The following TGM5 variants were observed in gnomAD, a reference collection of about 807,000 sequenced individuals.
TGM5 encodes transglutaminase 5.
TGM5 carries 69 observed loss-of-function variants against 77.2 expected under a neutral mutation model. The ratio of observed to expected loss-of-function variants is 0.89; its 90% CI spans 0.74 to 1.09. The LOEUF is 1.09. Among genes scored for constraint, TGM5 ranks in the 50% least tolerant of loss-of-function variants. TGM5 has a pLI of 0.00. For synonymous variants in TGM5, 346 were observed against 351.8 expected (o/e 0.98, Z 0.18); for missense variants, 842 against 896.5 (o/e 0.94, Z 0.78).
At position 43,253,357 on chromosome 15, in the gene TGM5, A is replaced by G. The variant is rs1234674052; in HGVS notation, c.684+149T>C. Reference sequence around the variant, plus strand: ...CCAGCTATTTCAGAGCTCGGCTGAGAAAACTTGTCACCCACATTCTGGCGT... The same window carrying G: ...CCAGCTATTTCAGAGCTCGGCTGAGGAAACTTGTCACCCACATTCTGGCGT... On this transcript the variant is annotated intron_variant, in intron 5 of 12. Coordinates refer to ENST00000220420, the MANE Select transcript of TGM5 (RefSeq NM_201631.4). 18 of 1,142,118 alleles carry G rather than the reference A, an allele frequency of 1.6e-5. No individual in the cohort carries two copies. In the Admixed American group the frequency reaches 3.7e-4, roughly 24 times the overall value. 70.7% of individuals were successfully genotyped at this position (1,142,118 alleles called of 1,614,324 possible).
At chr15:43,239,745 T>C in intron 7 of TGM5, 2 of 193,600 alleles carry the variant, frequency 1.0e-5, no homozygotes, top group Non-Finnish European at 1.1e-5. Context: ...AGAGTCTCCC[T>C]CTGCGGACTC....
intron 6 of TGM5, 43 bp downstream of exon 6, chr15:43,252,716 G>T (rs2042713019): frequency 1.2e-6 from 2 of 1,608,178 alleles, no homozygotes; most frequent in Middle Eastern, 4.4e-4. Context: ...TACATGAGCG[G>T]CTATACTTCT....
chr15:43,266,830 C>T lies in TGM5; in HGVS notation c.10+10G>A. The T allele has an allele frequency of 6.2e-7, 1 of 1,614,170 alleles. No homozygotes were observed. Among genetic ancestry groups the T allele is most frequent in the Non-Finnish European group, 8.5e-7 (1 of 1,180,016 alleles). On this transcript the variant is annotated intron_variant, in intron 1 of 12. Transcript: ENST00000220420. ...CCCTGAACTCCAGTGGCCACAGGGGCTTTCCCTACCTTGGGCCATGGTAGC... is the reference window on the plus strand; with the variant it reads ...CCCTGAACTCCAGTGGCCACAGGGGTTTTCCCTACCTTGGGCCATGGTAGC...
At position 43,238,972 on chromosome 15, in the gene TGM5, G is replaced by A. The variant is rs764448893; in HGVS notation, c.1190C>T (p.Ser397Leu). 2.5e-5 allele frequency: 41 copies of A among 1,614,158 alleles called. No homozygotes were observed. The highest frequency in any genetic ancestry group is 1.2e-4 in the African/African-American group (9 of 75,018). Residue 397 changes from serine to leucine, a missense_variant, in exon 9 of 13, where the codon TCG becomes TTG. Physicochemically the swap from Ser to Leu is moderately radical, Grantham distance 145. This residue lies in a region of TGM5 where 815 missense variants were observed against 844.6 expected (regional missense o/e 0.96). Transcript: ENST00000220420. ...DLNYDTPFVF[S>L]MVNADCMSWL... The stretch of plus-strand genomic sequence containing the variant: ...GGACATGCAGTCAGCATTCACCATC[G>A]AAAACACAAAGGGCGTGTCATAGTT...
Position 43,233,261 on chromosome 15 carries a change from G to C in TGM5, c.2093C>G (p.Ala698Gly). 1 of 1,614,140 alleles carries C rather than the reference G, an allele frequency of 6.2e-7. No individual in the cohort carries two copies. The highest frequency in any genetic ancestry group is 8.5e-7 in the Non-Finnish European group (1 of 1,180,034). The change falls in exon 13 of 13, where the codon GCT becomes GGT. Residue 698 changes from alanine (A) to glycine (G), a missense_variant. By Grantham distance (60) the Ala-to-Gly change is moderately conservative. Transcript: ENST00000220420. ...PFKSGQRQIQ[A>G]NMRSNKFKDI... Reference sequence around the variant, plus strand: ...CTTAAACTTGTTGCTTCTCATATTAGCTTGGATCTGCCTTTGTCCACTCTT... The same window carrying C: ...CTTAAACTTGTTGCTTCTCATATTACCTTGGATCTGCCTTTGTCCACTCTT...
intron 4 of TGM5, among the ~76,000 whole-genome samples, chr15:43,256,054 G>A (rs2042740072): frequency 6.6e-6 from 1 of 152,138 alleles, no homozygotes; most frequent in Non-Finnish European, 1.5e-5. Context: ...AAAAGACACA[G>A]AAATAAAGAG....
At chr15:43,238,004 T>C (rs2042602762) in intron 9 of TGM5, among the ~76,000 whole-genome samples, 3 of 152,166 alleles carry the variant, frequency 2.0e-5, no homozygotes, top group Admixed American at 2.0e-4. Flanking sequence ...TGGGCTGTGT[T>C]CAACACTTGC....
At chr15:43,254,080 C>T (rs1159343016) in intron 4 of TGM5, among the ~76,000 whole-genome samples, 1 of 152,232 alleles carries the variant, frequency 6.6e-6, no homozygotes, top group Non-Finnish European at 1.5e-5. Flanking sequence ...TGCCATGGCA[C>T]CTGTGATTCA....
Position 43,252,876 on chromosome 15 carries a change from C to T in TGM5, c.745G>A (p.Gly249Ser), listed in dbSNP as rs563681422. Reference protein sequence around the residue: ...NGNWSENYTDGANPAEWTGSV... With the variant: ...NGNWSENYTDSANPAEWTGSV... ...CCCGTCCACTCCGCAGGGTTGGCGC[C>T]GTCTGTGTAATTCTCACTCCAGTTT... The change falls in exon 6 of 13, where the codon GGC becomes AGC. Residue 249 changes from glycine to serine, a missense_variant. Gly to Ser is a moderately conservative substitution (Grantham distance 56). Coordinates refer to ENST00000220420, the MANE Select transcript of TGM5 (RefSeq NM_201631.4). The T allele has an allele frequency of 6.8e-6, 11 of 1,613,730 alleles. No individual in the cohort carries two copies. Among genetic ancestry groups the T allele is most frequent in the East Asian group, 2.2e-5 (1 of 44,892 alleles).
chr15:43,256,534 G>T, intron 4 of TGM5, 34 bp downstream of exon 4: 1 of 1,544,366 alleles, frequency 6.5e-7, no homozygotes, highest in Non-Finnish European at 9.0e-7. Context: ...CAAGCTCGGG[G>T]CCGGGATGGG....
In TGM5 at chr15:43,260,425, G is replaced by A; in HGVS notation, c.165C>T (p.Asp55=). ...FRNRSFQPGL[D]NIIFVVETGP... ...CAGTTTCAACCACGAAGATGATGTT[G>A]TCCAGGCCTGGCTGGAAGCTCCGGT... Residue 55 remains aspartate, a synonymous_variant, in exon 2 of 13, where the codon GAC becomes GAT. Coordinates refer to ENST00000220420, the MANE Select transcript of TGM5 (RefSeq NM_201631.4). 1 of 1,614,204 alleles carries A rather than the reference G, an allele frequency of 6.2e-7. No homozygotes were observed. Among genetic ancestry groups the A allele is most frequent in the Non-Finnish European group, 8.5e-7 (1 of 1,180,042 alleles).
intron 4 of TGM5, among the ~76,000 whole-genome samples, chr15:43,255,463 ATGCCCAATC>A (rs1324257420): frequency 2.6e-5 from 4 of 152,158 alleles, no homozygotes; most frequent in Non-Finnish European, 5.9e-5. Context: ...TCTCTCCATG[ATGCCCAATC>A]TGCCCATGCT....
chr15:43,232,761 G>A lies in TGM5; in HGVS notation c.*430C>T, dbSNP rs577285021. The A allele has an allele frequency of 3.0e-4, 60 of 199,292 alleles. 2 individuals are homozygous for A. The South Asian group carries it at 4.6e-3, about 15-fold the overall frequency. 12.3% of individuals were successfully genotyped at this position (199,292 alleles called of 1,614,324 possible). ...TCCTCTGACCTCTGTGCCAAATCACGCTTCTGGATAGGAGACTGGAATCCT... is the reference window on the plus strand; with the variant it reads ...TCCTCTGACCTCTGTGCCAAATCACACTTCTGGATAGGAGACTGGAATCCT... On this transcript the variant is annotated 3_prime_UTR_variant, in exon 13 of 13. Transcript: ENST00000220420.
chr15:43,265,412 A>G (rs983457035), intron 1 of TGM5, among the ~76,000 whole-genome samples: 3 of 152,306 alleles, frequency 2.0e-5, no homozygotes, highest in African/African-American at 7.2e-5. Flanking sequence ...AACTGGCTAC[A>G]GTTCAGGTTG....
At chr15:43,259,932 T>G (rs1416832836) in intron 3 of TGM5, 120 bp downstream of exon 3, 2 of 1,409,350 alleles carry the variant, frequency 1.4e-6, no homozygotes, top group African/African-American at 2.8e-5. Flanking sequence ...GGATGCTGAG[T>G]GCAGGGAATT....
In TGM5 at chr15:43,235,532, C is replaced by T. The variant is rs267604214; in HGVS notation, c.1651G>A (p.Asp551Asn). 30 of 1,613,998 alleles carry T rather than the reference C, an allele frequency of 1.9e-5. No homozygotes were observed. Among genetic ancestry groups the T allele is most frequent in the Non-Finnish European group, 2.3e-5 (27 of 1,180,032 alleles). ...CAGAATGGGGACAGGGGGCTGCCAT[C>T]GTGCAGCAGAGACTGGGCACTCAGG... is the stretch of plus-strand genomic sequence containing the variant. The part of the protein sequence containing the change: ...VNLSAQSLLH[D>N]GSPLSPFWQD... Residue 551 changes from aspartate to asparagine, a missense_variant, in exon 10 of 13, where the codon GAT (aspartate) becomes AAT (asparagine). Coordinates refer to ENST00000220420, the MANE Select transcript of TGM5 (RefSeq NM_201631.4).
In TGM5 at chr15:43,238,913, G is replaced by A; in HGVS notation, c.1249C>T (p.His417Tyr). Residue 417 changes from histidine to tyrosine, a missense_variant, in exon 9 of 13, where the codon CAC becomes TAC. His to Tyr is a moderately conservative substitution (Grantham distance 83, BLOSUM62 2). Transcript: ENST00000220420. ...LVQGGKEQKL[H>Y]QDTSSVGNFI... is the part of the protein sequence containing the mutation. ...TTGCCAACAGAACTCGTGTCCTGGTGAAGCTTCTGCTCCTTCCCTCCCTGG... is the reference window on the plus strand; with the variant it reads ...TTGCCAACAGAACTCGTGTCCTGGTAAAGCTTCTGCTCCTTCCCTCCCTGG... 6.2e-7 allele frequency: 1 copy of A among 1,614,234 alleles called. No individual in the cohort carries two copies. Among genetic ancestry groups the A allele is most frequent in the Non-Finnish European group, 8.5e-7 (1 of 1,180,054 alleles).
chr15:43,245,216 TCA>T (rs2042662382), intron 6 of TGM5, among the ~76,000 whole-genome samples: 1 of 152,150 alleles, frequency 6.6e-6, no homozygotes, highest in Non-Finnish European at 1.5e-5. Flanking sequence ...TGAAATGCAT[TCA>T]GTTAGCTTTA....
rs552175839 is a variant in TGM5 at position 43,239,153 on chromosome 15, A to G, written c.1105+10T>C. 188 of 1,614,068 alleles carry G rather than the reference A, an allele frequency of 1.2e-4. 1 individual carries two copies. The South Asian group carries it at 2.0e-3, about 17-fold the overall frequency. On this transcript the variant is annotated intron_variant, in intron 8 of 12. Coordinates refer to ENST00000220420, the MANE Select transcript of TGM5 (RefSeq NM_201631.4). Reference sequence around the variant, plus strand: ...GGAGCGGGGCCTGCCTTTCTTCTGGAGAGCCTCACCGTTGCTCATCTCCTG... The same window carrying G: ...GGAGCGGGGCCTGCCTTTCTTCTGGGGAGCCTCACCGTTGCTCATCTCCTG...
Sources: gnomAD v4.1 joint callset for allele counts (sites outside exome capture counted in the v4.1 genomes callset) on GRCh38, gnomAD v4.1.1 for gene constraint, gnomAD v4.1.1 regional missense constraint, MANE v1.5 for transcripts, NCBI Gene and HGNC (gene_info 2026-07-23, HGNC 2026-07-21) for gene names.